Variants in UNC5D observed in about 807,000 individuals in gnomAD.
The protein encoded by UNC5D is unc-5 netrin receptor D.
UNC5D carries 39 observed loss-of-function variants against 105.4 expected under a neutral mutation model. That is an observed-to-expected ratio of 0.37 (90% CI 0.29 to 0.48). The LOEUF is 0.48. UNC5D is among the 20% of genes least tolerant of loss of function. The probability of loss-of-function intolerance (pLI) is 0.98; values close to 1 mark genes in which losing one functional copy is unlikely to be tolerated. For synonymous variants in UNC5D, 452 were observed against 450.4 expected, an observed-to-expected ratio of 1.00 and a Z score of -0.04; for missense variants, 991 against 1,202.4, an observed-to-expected ratio of 0.82 and a Z score of 2.60.
At chr8:35,628,198 A>G (rs1361610343) in intron 4 of UNC5D, among the ~76,000 whole-genome samples, 1 of 152,046 alleles carries the variant, frequency 6.6e-6, no homozygotes, top group African/African-American at 2.4e-5. Context: ...CAGTGGCATG[A>G]TGTCAGTTTA....
chr8:35,279,042 A>G (rs1805966718), intron 1 of UNC5D, among the ~76,000 whole-genome samples: 1 of 152,134 alleles, frequency 6.6e-6, no homozygotes, highest in Non-Finnish European at 1.5e-5. Context: ...GAAGAAATAC[A>G]ATTTCTGCCC....
At chr8:35,778,175 T>C (rs1447399153) in intron 16 of UNC5D, among the ~76,000 whole-genome samples, 2 of 152,170 alleles carry the variant, frequency 1.3e-5, no homozygotes, top group African/African-American at 4.8e-5. Flanking sequence ...TAAAATGAAA[T>C]ATTTTAACAG....
intron 1 of UNC5D, among the ~76,000 whole-genome samples, chr8:35,303,311 AG>A (rs776759309): frequency 1.2e-4 from 19 of 152,164 alleles, no homozygotes; most frequent in Non-Finnish European, 2.5e-4. Context: ...CAATAATTAA[AG>A]GATCTACTTT....
chr8:35,337,588 C>A (rs1811140375), intron 1 of UNC5D, among the ~76,000 whole-genome samples: 2 of 152,148 alleles, frequency 1.3e-5, no homozygotes, highest in Admixed American at 1.3e-4. Context: ...GTGGGCAGTT[C>A]TTCTTAGCAT....
chr8:35,561,736 C>T lies in UNC5D; in HGVS notation c.323-6362C>T, dbSNP rs1446911667. On this transcript the variant is annotated intron_variant, in intron 2 of 16. Coordinates refer to ENST00000404895, the MANE Select transcript of UNC5D (RefSeq NM_080872.4). The stretch of plus-strand genomic sequence containing the variant: ...AAAACATGAAAGTGCTTCCCATTAG[C>T]TTGAACCTATTCCTTTTTTTTAATT... Among the ~76,000 whole-genome samples, 3 of 152,038 alleles carry T rather than the reference C, an allele frequency of 2.0e-5. No homozygotes were observed. The South Asian group carries it at 6.2e-4, about 32-fold the overall frequency.
chr8:35,266,204 T>C (rs758848809), intron 1 of UNC5D, among the ~76,000 whole-genome samples: 1 of 152,202 alleles, frequency 6.6e-6, no homozygotes, highest in East Asian at 1.9e-4. Context: ...TTATTCGAGG[T>C]TTCTTTAAAA....
chr8:35,421,648 A>G (rs1220116167), intron 1 of UNC5D, among the ~76,000 whole-genome samples: 2 of 150,912 alleles, frequency 1.3e-5, no homozygotes, highest in Non-Finnish European at 3.0e-5. Flanking sequence ...ATAGTTGTAA[A>G]ATAGTTATAT....
chr8:35,616,751 T>G (rs2131008070), intron 4 of UNC5D, among the ~76,000 whole-genome samples: 1 of 152,324 alleles, frequency 6.6e-6, no homozygotes. Flanking sequence ...CACGTTGTGC[T>G]TAAGGTTTCT....
intron 7 of UNC5D, 93 bp from the exon 8 acceptor site, chr8:35,705,836 T>C: frequency 1.4e-6 from 1 of 703,934 alleles, no homozygotes; most frequent in Non-Finnish European, 2.2e-6. Flanking sequence ...ATGTTTTATT[T>C]ATAGAGGTAG....
At chr8:35,317,212 C>T (rs1450383680) in intron 1 of UNC5D, among the ~76,000 whole-genome samples, 1 of 152,054 alleles carries the variant, frequency 6.6e-6, no homozygotes, top group Non-Finnish European at 1.5e-5. Flanking sequence ...GTCCCATAAC[C>T]ATTGTGATTA....
At chr8:35,698,745 TATTA>T (rs1483771601) in intron 7 of UNC5D, among the ~76,000 whole-genome samples, 1 of 152,184 alleles carries the variant, frequency 6.6e-6, no homozygotes, top group Admixed American at 6.5e-5. Context: ...CTTTTCAATA[TATTA>T]ATTTCATTTT....
Position 35,793,440 on chromosome 8 carries a change from C to T in UNC5D, c.*2877C>T, listed in dbSNP as rs1343415531. 1 of 161,550 alleles carries T rather than the reference C, an allele frequency of 6.2e-6. No homozygotes were observed. The highest frequency in any genetic ancestry group is 1.4e-5 in the Non-Finnish European group (1 of 73,600). The allele number at this position is 161,550 out of a possible 1,614,324, so 10.0% of individuals were successfully genotyped here. Reference sequence around the variant, plus strand: ...GCACTTAATTTGGAAATTTTATTGTCCTATTGCAAAATGAAACAAAATTAA... The same window carrying T: ...GCACTTAATTTGGAAATTTTATTGTTCTATTGCAAAATGAAACAAAATTAA... On this transcript the variant is annotated 3_prime_UTR_variant, in exon 17 of 17. Coordinates refer to ENST00000404895, the MANE Select transcript of UNC5D (RefSeq NM_080872.4).
Position 35,235,658 on chromosome 8 carries a change from C to T in UNC5D, c.-127C>T, listed in dbSNP as rs1039809591. 2.9e-6 allele frequency: 2 copies of T among 697,968 alleles called. No individual in the cohort carries two copies. The highest frequency in any genetic ancestry group is 3.7e-5 in the African/African-American group (2 of 53,988). The allele number at this position is 697,968 out of a possible 1,614,324, so 43.2% of individuals were successfully genotyped here. A position where few individuals can be genotyped will look rare whatever the true frequency, so the allele number is the denominator to read the frequency against. On this transcript the variant is annotated 5_prime_UTR_variant, in exon 1 of 17. Transcript: ENST00000404895. ...CTCCCTGCCCCGCTGCTTTAGGAAG[C>T]GATCGTGGAGCAGAGTCACTCTCTG...
At chr8:35,741,707 C>T (rs1829772431) in intron 11 of UNC5D, among the ~76,000 whole-genome samples, 1 of 152,118 alleles carries the variant, frequency 6.6e-6, no homozygotes, top group Non-Finnish European at 1.5e-5. Context: ...AACTATATTC[C>T]ACTTCAGAAT....
chr8:35,619,184 G>C (rs921583396), intron 4 of UNC5D, among the ~76,000 whole-genome samples: 1 of 152,134 alleles, frequency 6.6e-6, no homozygotes, highest in African/African-American at 2.4e-5. Context: ...AATCATAACA[G>C]CATTAATATA....
At chr8:35,432,705 T>A (rs1806728302) in intron 1 of UNC5D, among the ~76,000 whole-genome samples, 1 of 152,130 alleles carries the variant, frequency 6.6e-6, no homozygotes, top group South Asian at 2.1e-4. Context: ...TAATAAACCA[T>A]CTTATCTTAC....
chr8:35,306,365 T>C (rs755954274), intron 1 of UNC5D, among the ~76,000 whole-genome samples: 1 of 152,064 alleles, frequency 6.6e-6, no homozygotes, highest in African/African-American at 2.4e-5. Flanking sequence ...TAAAATATAA[T>C]TTTATAAGCA....
At chr8:35,324,308 G>A (rs959956602) in intron 1 of UNC5D, among the ~76,000 whole-genome samples, 66 of 150,284 alleles carry the variant, frequency 4.4e-4, no homozygotes, top group African/African-American at 1.6e-3. Context: ...TATTAAGTGG[G>A]CATTTATTGA....
intron 1 of UNC5D, among the ~76,000 whole-genome samples, chr8:35,357,534 T>G (rs1801628802): frequency 6.6e-6 from 1 of 152,184 alleles, no homozygotes; most frequent in Non-Finnish European, 1.5e-5. Context: ...TCTAATTTTG[T>G]GCAGTCTCAT....
Sources: gnomAD v4.1 joint callset for allele counts (sites outside exome capture counted in the v4.1 genomes callset) on GRCh38, gnomAD v4.1.1 for gene constraint, MANE v1.5 for transcripts, NCBI Gene and HGNC (gene_info 2026-07-23, HGNC 2026-07-21) for gene names.